PANX2: variants seen among roughly 807,000 people sequenced by gnomAD.
PANX2 encodes the protein pannexin-2.
Under a neutral mutation model 38.7 loss-of-function variants are expected in PANX2, and 30 were observed. The ratio of observed to expected loss-of-function variants is 0.78; its 90% CI spans 0.58 to 1.05. The LOEUF is 1.05. Ranked by LOEUF, PANX2 falls within the 50% of genes least tolerant of loss-of-function variation. PANX2 has a pLI of 0.00. For missense variants in PANX2, 880 were observed against 979.3 expected (o/e 0.90, Z 1.35); for synonymous variants, 539 against 472.1 (o/e 1.14, Z -1.84).
At position 50,170,884 on chromosome 22, in the gene PANX2, C is replaced by T. The variant is rs2063625908; in HGVS notation, c.154C>T (p.Arg52Trp). Residue 52 changes from arginine (R) to tryptophan (W), a missense_variant, in exon 1 of 3, where the codon CGG becomes TGG. Physicochemically the swap from Arg to Trp is moderately radical, Grantham distance 101. Transcript: ENST00000395842. ...LQLKLELPFD[R>W]VVTIGTVLVP... ...GCTGAAGCTGGAGCTGCCGTTCGAC[C>T]GGGTGGTCACCATCGGCACCGTGCT... 1.3e-6 allele frequency: 2 copies of T among 1,516,910 alleles called. No homozygotes were observed. Among genetic ancestry groups the T allele is most frequent in the Non-Finnish European group, 1.8e-6 (2 of 1,130,232 alleles). The allele number at this position is 1,516,910 out of a possible 1,614,324, so 94.0% of individuals were successfully genotyped here.
chr22:50,178,738 C>T (rs1387547747), intron 2 of PANX2, among the ~76,000 whole-genome samples, 196 bp from the exon 3 acceptor site: 5 of 152,168 alleles, frequency 3.3e-5, no homozygotes, highest in Non-Finnish European at 5.9e-5. Flanking sequence ...ATTCCACCGA[C>T]GGCACTGCGG....
chr22:50,171,265 A>G (rs1351200310), intron 1 of PANX2, among the ~76,000 whole-genome samples: 1 of 151,964 alleles, frequency 6.6e-6, no homozygotes, highest in South Asian at 2.1e-4. Flanking sequence ...TGGTTTGGAG[A>G]ATGTCACAAG....
Position 50,177,353 on chromosome 22 carries a change from T to G in PANX2, c.641T>G (p.Leu214Arg). The G allele has an allele frequency of 1.2e-6, 2 of 1,610,248 alleles. No homozygotes were observed. Among genetic ancestry groups the G allele is most frequent in the Non-Finnish European group, 8.5e-7 (1 of 1,178,584 alleles). The stretch of plus-strand genomic sequence containing the variant: ...GAGCAGAACCTGTTCGAGAAGTACC[T>G]GGAGCGCCGCGGCCGCAGCAACTTC... ...SPEQNLFEKY[L>R]ERRGRSNFLA... is the part of the protein sequence containing the mutation. Residue 214 changes from leucine to arginine, a missense_variant, in exon 2 of 3, where the codon CTG becomes CGG. Physicochemically the swap from Leu to Arg is moderately radical, Grantham distance 102 (BLOSUM62 -2). This residue lies in a region of PANX2 where 243 missense variants were observed against 333.1 expected (regional missense o/e 0.73). Transcript: ENST00000395842.
chr22:50,175,746 G>C (rs1398091196), intron 1 of PANX2, among the ~76,000 whole-genome samples: 1 of 152,220 alleles, frequency 6.6e-6, no homozygotes, highest in Non-Finnish European at 1.5e-5. Context: ...GGTGATGATG[G>C]CAGCCGGGAG....
intron 1 of PANX2, 22 bp downstream of exon 1, chr22:50,170,978 C>T: frequency 1.4e-6 from 2 of 1,392,072 alleles, no homozygotes; most frequent in Non-Finnish European, 1.9e-6. Context: ...GGCCGGGGCG[C>T]GGGGCGCGGG....
chr22:50,178,702 T>C (rs2063680009), intron 2 of PANX2, among the ~76,000 whole-genome samples: 1 of 152,162 alleles, frequency 6.6e-6, no homozygotes, highest in Non-Finnish European at 1.5e-5. Flanking sequence ...GCGTGCGTGG[T>C]GCAGCCAAGT....
chr22:50,171,587 G>A (rs550158754), intron 1 of PANX2, among the ~76,000 whole-genome samples: 1 of 152,274 alleles, frequency 6.6e-6, no homozygotes, highest in South Asian at 2.1e-4. Context: ...GACCAGGGCA[G>A]GGACCCGCGC....
Position 50,179,233 on chromosome 22 carries a change from A to C in PANX2, c.1990A>C (p.Thr664Pro). ...TGCCCCACAGCAGATCCTCATCGCCACCTTCGACGAGCCGAGAACGGTCGT... is the reference window on the plus strand; with the variant it reads ...TGCCCCACAGCAGATCCTCATCGCCCCCTTCGACGAGCCGAGAACGGTCGT... Reference protein sequence around the residue: ...IPAPQQILIATFDEPRTVVST... With the variant: ...IPAPQQILIAPFDEPRTVVST... The change falls in exon 3 of 3, where the codon ACC becomes CCC. Residue 664 changes from threonine to proline, a missense_variant. Physicochemically the swap from Thr to Pro is conservative, Grantham distance 38 (BLOSUM62 -1). Around this residue, in one of 4 missense-constraint regions of PANX2, gnomAD observed 445 missense variants for 404.3 expected, o/e 1.10. Transcript: ENST00000395842. The C allele has an allele frequency of 6.2e-7, 1 of 1,612,444 alleles. No homozygotes were observed. The highest frequency in any genetic ancestry group is 1.1e-5 in the South Asian group (1 of 91,072).
rs2063672095 is a variant in PANX2, at chr22:50,177,913, G to C, written c.1201G>C (p.Gly401Arg). Reference protein sequence around the residue: ...HDATPTVRDSGVQTVDPSANP... With the variant: ...HDATPTVRDSRVQTVDPSANP... ...CGCCACCCCCACGGTGCGCGACTCG[G>C]GGGTGCAGACCGTGGACCCCAGCGC... Residue 401 changes from glycine to arginine, a missense_variant, in exon 2 of 3, where the codon GGG becomes CGG. Around this residue, in one of 4 missense-constraint regions of PANX2, gnomAD observed 445 missense variants for 404.3 expected, o/e 1.10. Transcript: ENST00000395842. 2 of 1,530,622 alleles carry C rather than the reference G, an allele frequency of 1.3e-6. No individual in the cohort carries two copies. The highest frequency in any genetic ancestry group is 4.0e-5 in the Admixed American group (2 of 50,270). 94.8% of individuals were successfully genotyped at this position (1,530,622 alleles called of 1,614,324 possible). A position where few individuals can be genotyped will look rare whatever the true frequency, so the allele number is the denominator to read the frequency against.
rs116826367 is a variant in PANX2, at chr22:50,173,495, A to G, written c.226+2539A>G. The stretch of plus-strand genomic sequence containing the variant: ...GTTGGGCCTGAGGGCCCGTGTGGCC[A>G]GCTGCTGTCTCAGGATGCAGTACCC... On this transcript the variant is annotated intron_variant, in intron 1 of 2. Coordinates refer to ENST00000395842, the MANE Select transcript of PANX2 (RefSeq NM_052839.4). 3.4e-3 allele frequency among the ~76,000 whole-genome samples: 520 copies of G among 152,392 alleles called. 4 individuals carry two copies. Among genetic ancestry groups the G allele is most frequent in the African/African-American group, 0.012 (509 of 41,600 alleles).
In PANX2 at chr22:50,178,400, A is replaced by C; in HGVS notation, c.1688A>C (p.Lys563Thr). Residue 563 changes from lysine (K) to threonine (T), a missense_variant and splice_region_variant, in exon 2 of 3, where the codon AAA (lysine) becomes ACA (threonine). This residue lies in a region of PANX2 where 445 missense variants were observed against 404.3 expected (regional missense o/e 1.10). Transcript: ENST00000395842. ...CGLGLAPAPI[K>T]DAPLPEKEIP... The stretch of plus-strand genomic sequence containing the variant: ...CTAGGCCTGGCCCCGGCGCCCATCA[A>C]AGGTAGGGGCAGGGCCGGAGAGAGG... 7.1e-7 allele frequency: 1 copy of C among 1,416,170 alleles called. No individual in the cohort carries two copies. The highest frequency in any genetic ancestry group is 9.2e-7 in the Non-Finnish European group (1 of 1,091,712). 87.7% of individuals were successfully genotyped at this position (1,416,170 alleles called of 1,614,324 possible).
chr22:50,180,212 C>T lies in PANX2; in HGVS notation c.*935C>T, dbSNP rs11913282. 0.13 allele frequency: 20,119 copies of T among 152,318 alleles called. 1,529 individuals are homozygous for T. Among genetic ancestry groups the T allele is most frequent in the South Asian group, 0.26 (1,244 of 4,834 alleles). The allele number at this position is 152,318 out of a possible 1,614,324, so 9.4% of individuals were successfully genotyped here. The stretch of plus-strand genomic sequence containing the variant: ...GGCCGGCACCCGGCTGGTCCCACCC[C>T]AAATACCTCAGCCATGGAGACCATG... On this transcript the variant is annotated 3_prime_UTR_variant, in exon 3 of 3. Transcript: ENST00000395842.
chr22:50,179,526 G>C lies in PANX2; in HGVS notation c.*249G>C. The C allele has an allele frequency of 5.6e-6, 3 of 531,164 alleles. No homozygotes were observed. Among genetic ancestry groups the C allele is most frequent in the Non-Finnish European group, 6.7e-6 (2 of 299,536 alleles). 32.9% of individuals were successfully genotyped at this position (531,164 alleles called of 1,614,324 possible). ...GCCCAGTGGAGCCGGTGGCCAGGAA[G>C]GCTGAAGCCCGCTTCCCATGCTCCT... On this transcript the variant is annotated 3_prime_UTR_variant, in exon 3 of 3. Coordinates refer to ENST00000395842, the MANE Select transcript of PANX2 (RefSeq NM_052839.4).
At position 50,170,961 on chromosome 22, in the gene PANX2, G is replaced by A; in HGVS notation, c.226+5G>A. Reference sequence around the variant, plus strand: ...TCTTCACCAAGAACTTCGCAGGTGAGGCCGGCGGCCGGGGCGCGGGGCGCG... The same window carrying A: ...TCTTCACCAAGAACTTCGCAGGTGAAGCCGGCGGCCGGGGCGCGGGGCGCG... On this transcript the variant is annotated splice_donor_5th_base_variant and intron_variant, in intron 1 of 2. Transcript: ENST00000395842. 1 of 1,467,586 alleles carries A rather than the reference G, an allele frequency of 6.8e-7. No homozygotes were observed. The highest frequency in any genetic ancestry group is 1.3e-5 in the South Asian group (1 of 77,158). The allele number at this position is 1,467,586 out of a possible 1,614,324, so 90.9% of individuals were successfully genotyped here. A position where few individuals can be genotyped will look rare whatever the true frequency, so the allele number is the denominator to read the frequency against.
chr22:50,178,296 G>T lies in PANX2; in HGVS notation c.1584G>T (p.Lys528Asn). 1 of 1,515,474 alleles carries T rather than the reference G, an allele frequency of 6.6e-7. No individual in the cohort carries two copies. Among genetic ancestry groups the T allele is most frequent in the Non-Finnish European group, 8.8e-7 (1 of 1,136,086 alleles). The allele number at this position is 1,515,474 out of a possible 1,614,324, so 93.9% of individuals were successfully genotyped here. A position where few individuals can be genotyped will look rare whatever the true frequency, so the allele number is the denominator to read the frequency against. Residue 528 changes from lysine (K) to asparagine (N), a missense_variant, in exon 2 of 3, where the codon AAG becomes AAT. Physicochemically the swap from Lys to Asn is moderately conservative, Grantham distance 94. Coordinates refer to ENST00000395842, the MANE Select transcript of PANX2 (RefSeq NM_052839.4). Reference sequence around the variant, plus strand: ...ACATCCTCGGCACCAAGAAGGCCAAGGCCGAGGCGGTGCCCGCCGCCCTGC... The same window carrying T: ...ACATCCTCGGCACCAAGAAGGCCAATGCCGAGGCGGTGCCCGCCGCCCTGC... ...HPYILGTKKAKAEAVPAALPA... is the reference protein window; with the variant it reads ...HPYILGTKKANAEAVPAALPA...
chr22:50,178,187 G>GCCCCGGCCCCGCCCCTGC lies in PANX2; in HGVS notation c.1481_1498dup (p.Gly494_Pro499dup). On this transcript the variant is annotated inframe_insertion, in exon 2 of 3. Transcript: ENST00000395842. ...TACAAGGGCGGAGGGGGCGACCCGG[G>GCCCCGGCCCCGCCCCTGC]CCCCGGCCCCGCCCCTGCCCCCGCC... 1 of 1,464,148 alleles carries GCCCCGGCCCCGCCCCTGC rather than the reference G, an allele frequency of 6.8e-7. No individual in the cohort carries two copies. Among genetic ancestry groups the GCCCCGGCCCCGCCCCTGC allele is most frequent in the Non-Finnish European group, 9.0e-7 (1 of 1,113,830 alleles). The allele number at this position is 1,464,148 out of a possible 1,614,324, so 90.7% of individuals were successfully genotyped here. A position where few individuals can be genotyped will look rare whatever the true frequency, so the allele number is the denominator to read the frequency against.
In PANX2 at chr22:50,178,361, C is replaced by A. The variant is rs2063677531; in HGVS notation, c.1649C>A (p.Ala550Glu). 1 of 1,483,676 alleles carries A rather than the reference C, an allele frequency of 6.7e-7. No homozygotes were observed. Among genetic ancestry groups the A allele is most frequent in the East Asian group, 2.6e-5 (1 of 38,172 alleles). The allele number at this position is 1,483,676 out of a possible 1,614,324, so 91.9% of individuals were successfully genotyped here. A position where few individuals can be genotyped will look rare whatever the true frequency, so the allele number is the denominator to read the frequency against. ...RSQEGGFLSQ[A>E]EDCGLGLAPA... ...CAGGAGGGGGGCTTCCTGTCCCAGGCGGAGGACTGTGGGCTAGGCCTGGCC... is the reference window on the plus strand; with the variant it reads ...CAGGAGGGGGGCTTCCTGTCCCAGGAGGAGGACTGTGGGCTAGGCCTGGCC... Residue 550 changes from alanine to glutamate, a missense_variant, in exon 2 of 3, where the codon GCG (alanine) becomes GAG (glutamate). Around this residue, in one of 4 missense-constraint regions of PANX2, gnomAD observed 445 missense variants for 404.3 expected, o/e 1.10. Transcript: ENST00000395842.
At chr22:50,172,040 C>G (rs548923704) in intron 1 of PANX2, among the ~76,000 whole-genome samples, 2 of 152,072 alleles carry the variant, frequency 1.3e-5, no homozygotes, top group African/African-American at 4.8e-5. Flanking sequence ...GTCTCCTCTT[C>G]GACACTGGAG....
intron 1 of PANX2, among the ~76,000 whole-genome samples, chr22:50,176,636 T>G (rs1467872574): frequency 6.6e-6 from 1 of 152,186 alleles, no homozygotes; most frequent in Non-Finnish European, 1.5e-5. Flanking sequence ...TTTCCCCTTG[T>G]GCACACAGGG....
Sources: allele counts gnomAD v4.1 joint callset (sites outside exome capture counted in the v4.1 genomes callset), GRCh38; gene constraint gnomAD v4.1.1; regional missense constraint gnomAD v4.1.1; transcripts MANE v1.5; gene names NCBI Gene and HGNC (gene_info 2026-07-23, HGNC 2026-07-21).